ZXDC: variants seen among roughly 807,000 people sequenced by gnomAD.
ZXDC encodes zinc finger protein ZXDC.
A neutral mutation model predicts 63.6 loss-of-function variants in ZXDC; 58 were observed. That is an observed-to-expected ratio of 0.91 (90% confidence interval 0.74 to 1.13). ZXDC has a LOEUF of 1.13. ZXDC is among the 50% of genes most tolerant of loss of function. The pLI, the probability that ZXDC is intolerant of heterozygous loss-of-function variation, is 0.00. For synonymous variants in ZXDC, 561 were observed against 496.1 expected (o/e 1.13, Z -1.74); for missense variants, 1,133 against 1,148.9 (o/e 0.99, Z 0.20).
At chr3:126,446,652 A>G (rs1396897114) in intron 7 of ZXDC, among the ~76,000 whole-genome samples, 1 of 152,158 alleles carries the variant, frequency 6.6e-6, no homozygotes, top group Non-Finnish European at 1.5e-5. Context: ...TATTTTCCCA[A>G]TTCTCCCAAG....
intron 6 of ZXDC, chr3:126,460,329 T>C (rs1162998938): frequency 1.7e-5 from 9 of 519,430 alleles, no homozygotes; most frequent in Non-Finnish European, 2.2e-5. Flanking sequence ...GTTTAACACT[T>C]ATCGCTATGA....
chr3:126,458,670 C>T (rs1392969170), intron 7 of ZXDC: 1 of 985,302 alleles, frequency 1.0e-6, no homozygotes, highest in Non-Finnish European at 1.2e-6. Context: ...GAATGTTTGT[C>T]TCTTTTTTCT....
intron 7 of ZXDC, chr3:126,451,907 CAG>C (rs1576670073): frequency 4.1e-6 from 4 of 985,408 alleles, no homozygotes; most frequent in South Asian, 9.4e-5. Flanking sequence ...GAGGCGTGAA[CAG>C]AGTTACTGCA....
intron 6 of ZXDC, 46 bp from the exon 7 acceptor site, chr3:126,459,783 GAAGGGTAGC>G: frequency 6.2e-7 from 1 of 1,613,998 alleles, no homozygotes; most frequent in South Asian, 1.1e-5. Context: ...AGACACAAAG[GAAGGGTAGC>G]AAGGGAGCTA....
intron 1 of ZXDC, among the ~76,000 whole-genome samples, chr3:126,472,553 G>A (rs952196242): frequency 2.0e-5 from 3 of 152,204 alleles, no homozygotes; most frequent in African/African-American, 7.2e-5. Flanking sequence ...TGGAGCAACC[G>A]ATAAAGAGAA....
intron 7 of ZXDC, chr3:126,453,713 C>A: frequency 1.0e-6 from 1 of 982,216 alleles, no homozygotes; most frequent in Non-Finnish European, 1.2e-6. Context: ...TTTTTTTTGG[C>A]GAAGGAGTTT....
chr3:126,474,911 C>A, intron 1 of ZXDC, 48 bp downstream of exon 1: 4 of 1,518,834 alleles, frequency 2.6e-6, no homozygotes, highest in Non-Finnish European at 3.5e-6. Flanking sequence ...GCACCCCAGA[C>A]CTGCCTGCAA....
In ZXDC at chr3:126,462,360, C is replaced by T. The variant is rs566079808; in HGVS notation, c.1442-140G>A. 94 of 1,398,302 alleles carry T rather than the reference C, an allele frequency of 6.7e-5. 1 individual carries two copies. The South Asian group carries it at 9.6e-4, about 14-fold the overall frequency. 86.6% of individuals were successfully genotyped at this position (1,398,302 alleles called of 1,614,324 possible). On this transcript the variant is annotated intron_variant, in intron 5 of 9. Transcript: ENST00000389709. Reference sequence around the variant, plus strand: ...CCCACACCCTGAAGCTTGGTTATCACGACAGAGTCCCATGGCCGGTCGCTC... The same window carrying T: ...CCCACACCCTGAAGCTTGGTTATCATGACAGAGTCCCATGGCCGGTCGCTC...
At chr3:126,474,466 A>G (rs751390754) in intron 1 of ZXDC, among the ~76,000 whole-genome samples, 8 of 152,188 alleles carry the variant, frequency 5.3e-5, no homozygotes, top group African/African-American at 1.9e-4. Flanking sequence ...AAACTTCACA[A>G]AACTGTGAGG....
intron 7 of ZXDC, among the ~76,000 whole-genome samples, chr3:126,458,044 G>A (rs981385934): frequency 6.6e-6 from 1 of 152,220 alleles, no homozygotes; most frequent in African/African-American, 2.4e-5. Flanking sequence ...ACAGTCAAGA[G>A]ATGATGTATC....
At chr3:126,461,432 A>G (rs1560099455) in intron 6 of ZXDC, 103 bp downstream of exon 6, 26 of 1,454,252 alleles carry the variant, frequency 1.8e-5, no homozygotes, top group Non-Finnish European at 2.3e-5. Flanking sequence ...GTCCTTTTGT[A>G]AACCAGAAAC....
chr3:126,473,890 C>T (rs769406837), intron 1 of ZXDC, among the ~76,000 whole-genome samples: 1 of 152,116 alleles, frequency 6.6e-6, no homozygotes, highest in Non-Finnish European at 1.5e-5. Context: ...GCCACCCAGC[C>T]GACTCCATTC....
At chr3:126,466,423 T>G (rs1399140843) in intron 4 of ZXDC, 98 bp from the exon 5 acceptor site, 4 of 1,282,290 alleles carry the variant, frequency 3.1e-6, no homozygotes, top group Non-Finnish European at 4.3e-6. Flanking sequence ...CAGACCTGCA[T>G]TTTGCACCCT....
intron 3 of ZXDC, among the ~76,000 whole-genome samples, chr3:126,471,368 C>A (rs1297295894): frequency 6.6e-6 from 1 of 152,178 alleles, no homozygotes; most frequent in Non-Finnish European, 1.5e-5. Flanking sequence ...GCTTTCCGAG[C>A]GACAGACGGT....
chr3:126,475,660 T>C lies in ZXDC; in HGVS notation c.206A>G (p.Asp69Gly). 2 of 1,444,282 alleles carry C rather than the reference T, an allele frequency of 1.4e-6. No homozygotes were observed. Among genetic ancestry groups the C allele is most frequent in the South Asian group, 1.3e-5 (1 of 76,002 alleles). 89.5% of individuals were successfully genotyped at this position (1,444,282 alleles called of 1,614,324 possible). A position where few individuals can be genotyped will look rare whatever the true frequency, so the allele number is the denominator to read the frequency against. The change falls in exon 1 of 10, where the codon GAC becomes GGC. Residue 69 changes from aspartate to glycine, a missense_variant. Asp to Gly is a moderately conservative substitution (Grantham distance 94). Coordinates refer to ENST00000389709, the MANE Select transcript of ZXDC (RefSeq NM_025112.5). Reference protein sequence around the residue: ...SGPSPPPAEDDSDGDSFLVLL... With the variant: ...SGPSPPPAEDGSDGDSFLVLL... ...CACCAAGAAAGAGTCGCCGTCGCTG[T>C]CGTCCTCGGCGGGCGGCGGGCTTGG...
At chr3:126,441,598 C>T (rs1257560315) in intron 8 of ZXDC, 167 bp downstream of exon 8, 2 of 1,351,262 alleles carry the variant, frequency 1.5e-6, no homozygotes, top group African/African-American at 1.5e-5. Flanking sequence ...AGGAGCTGGG[C>T]TGTGAGGAGA....
chr3:126,448,479 T>G (rs890648878), intron 7 of ZXDC, among the ~76,000 whole-genome samples: 3 of 152,068 alleles, frequency 2.0e-5, no homozygotes, highest in African/African-American at 7.2e-5. Context: ...CCCCAAAGTG[T>G]CTGTGACACA....
chr3:126,461,638 T>C lies in ZXDC; in HGVS notation c.2024A>G (p.Gln675Arg). The C allele has an allele frequency of 4.3e-6, 7 of 1,613,914 alleles. No homozygotes were observed. Among genetic ancestry groups the C allele is most frequent in the Non-Finnish European group, 5.1e-6 (6 of 1,180,004 alleles). ...CTGGGGCAGCCCATGGCTTCCTTCC[T>C]GCTGCCCAACTGCTCCTGGGCGAGA... Reference protein sequence around the residue: ...SPSRPGAVGQQEGSHGLPQST... With the variant: ...SPSRPGAVGQREGSHGLPQST... The change falls in exon 6 of 10, where the codon CAG becomes CGG. Residue 675 changes from glutamine (Q) to arginine (R), a missense_variant. Physicochemically the swap from Gln to Arg is conservative, Grantham distance 43 (BLOSUM62 1). Coordinates refer to ENST00000389709, the MANE Select transcript of ZXDC (RefSeq NM_025112.5).
chr3:126,439,922 T>C, intron 8 of ZXDC, 195 bp from the exon 9 acceptor site: 1 of 1,409,464 alleles, frequency 7.1e-7, no homozygotes, highest in South Asian at 1.5e-5. Flanking sequence ...CTGGTTCTCA[T>C]TCTGTCACCT....
Sources: allele counts gnomAD v4.1 joint callset (sites outside exome capture counted in the v4.1 genomes callset), GRCh38; gene constraint gnomAD v4.1.1; transcripts MANE v1.5; gene names NCBI Gene and HGNC (gene_info 2026-07-23, HGNC 2026-07-21).